IL37: variants seen among roughly 807,000 people sequenced by gnomAD.
IL37 encodes interleukin-37.
In IL37, 15 loss-of-function variants were observed where a neutral mutation model predicts 15.4. The observed-to-expected ratio is 0.98, with a 90% CI of 0.65 to 1.50. IL37 has a LOEUF of 1.50. IL37 is among the 40% of genes most tolerant of loss of function. The pLI, the probability that IL37 is intolerant of heterozygous loss-of-function variation, is 0.00. For synonymous variants in IL37, 98 were observed against 97.4 expected (o/e 1.01, Z -0.03); for missense variants, 269 against 261.7 (o/e 1.03, Z -0.19).
intron 2 of IL37, among the ~76,000 whole-genome samples, chr2:112,913,403 TC>T (rs1211242929): frequency 1.3e-5 from 2 of 152,130 alleles, no homozygotes; most frequent in Non-Finnish European, 2.9e-5. Context: ...CTCCCAACAT[TC>T]CCAAGTGGAA....
intron 4 of IL37, 67 bp downstream of exon 4, chr2:112,917,315 G>A (rs1215180735): frequency 3.2e-6 from 5 of 1,563,974 alleles, no homozygotes; most frequent in Non-Finnish European, 4.4e-6. Context: ...TGCTAGGTGG[G>A]CTCAACTCCA....
At position 112,918,766 on chromosome 2, in the gene IL37, CA is replaced by C; in HGVS notation, c.615del (p.Val206PhefsTer6). 6.2e-7 allele frequency: 1 copy of C among 1,614,076 alleles called. No individual in the cohort carries two copies. The highest frequency in any genetic ancestry group is 8.5e-7 in the Non-Finnish European group (1 of 1,180,006). On this transcript the variant is annotated frameshift_variant, in exon 6 of 6. Transcript: ENST00000263326. LOFTEE classifies it low-confidence loss of function (END_TRUNC). ...NRKHIEFSFQ[P>X]VCKAEMSPSE... ...AAACACATTGAATTTTCATTTCAAC[CA>C]GTTTGCAAAGCTGAAATGAGCCCCA...
At chr2:112,917,803 G>A in intron 5 of IL37, 26 bp downstream of exon 5, 1 of 1,613,370 alleles carries the variant, frequency 6.2e-7, no homozygotes, top group Non-Finnish European at 8.5e-7. Context: ...CAGTTTCCTG[G>A]GCCTTTGGCT....
intron 5 of IL37, 55 bp downstream of exon 5, chr2:112,917,832 A>C: frequency 3.8e-6 from 6 of 1,572,326 alleles, no homozygotes; most frequent in Non-Finnish European, 5.2e-6. Flanking sequence ...GTAAAAGGCC[A>C]AGATCCTCAA....
At position 112,917,744 on chromosome 2, in the gene IL37, T is replaced by A. The variant is rs1683352218; in HGVS notation, c.375T>A (p.Asp125Glu). ...KGEFCLYCDK[D>E]KGQSHPSLQL... Reference sequence around the variant, plus strand: ...AGTTTTGTCTCTACTGTGACAAGGATAAAGGACAAAGTCATCCATCCCTTC... The same window carrying A: ...AGTTTTGTCTCTACTGTGACAAGGAAAAAGGACAAAGTCATCCATCCCTTC... The change falls in exon 5 of 6, where the codon GAT becomes GAA. Residue 125 changes from aspartate to glutamate, a missense_variant. Transcript: ENST00000263326. 1 of 1,614,176 alleles carries A rather than the reference T, an allele frequency of 6.2e-7. No homozygotes were observed.
At chr2:112,918,411 A>AC in intron 5 of IL37, 150 bp from the exon 6 acceptor site, 2 of 823,152 alleles carry the variant, frequency 2.4e-6, no homozygotes, top group Non-Finnish European at 3.7e-6. Context: ...AAATACCAGT[A>AC]CCAAGGCTGA....
At position 112,918,827 on chromosome 2, in the gene IL37, C is replaced by T. The variant is rs376796374; in HGVS notation, c.*18C>T. 2.8e-5 allele frequency: 44 copies of T among 1,599,672 alleles called. No individual in the cohort carries two copies. The highest frequency in any genetic ancestry group is 3.3e-5 in the Non-Finnish European group (39 of 1,169,954). Reference sequence around the variant, plus strand: ...GCGATTAGGAAACTGCCCCATTGAACGCCTTCCTCGCTAATTTGAACTAAT... The same window carrying T: ...GCGATTAGGAAACTGCCCCATTGAATGCCTTCCTCGCTAATTTGAACTAAT... On this transcript the variant is annotated 3_prime_UTR_variant, in exon 6 of 6. Coordinates refer to ENST00000263326, the MANE Select transcript of IL37 (RefSeq NM_014439.4).
chr2:112,912,543 A>G (rs1407730497), intron 1 of IL37, among the ~76,000 whole-genome samples: 1 of 152,178 alleles, frequency 6.6e-6, no homozygotes, highest in East Asian at 1.9e-4. Flanking sequence ...CTAGTTAACC[A>G]TGCTATTGTA....
intron 3 of IL37, chr2:112,915,306 G>A (rs1167756077): frequency 4.0e-6 from 6 of 1,489,556 alleles, no homozygotes; most frequent in Non-Finnish European, 5.6e-6. Flanking sequence ...CTTAAAAAGA[G>A]CATTTTCCAG....
chr2:112,917,157 G>A lies in IL37; in HGVS notation c.174G>A (p.Lys58=). 1 of 1,614,114 alleles carries A rather than the reference G, an allele frequency of 6.2e-7. No individual in the cohort carries two copies. Among genetic ancestry groups the A allele is most frequent in the Non-Finnish European group, 8.5e-7 (1 of 1,179,970 alleles). ...TSPKVKNLNP[K]KFSIHDQDHK... is the part of the protein sequence containing the mutation. ...CAAAGGTGAAGAACTTAAACCCGAA[G>A]AAATTCAGCATTCATGACCAGGATC... Residue 58 remains lysine, a synonymous_variant, in exon 4 of 6, where the codon AAG becomes AAA. Coordinates refer to ENST00000263326, the MANE Select transcript of IL37 (RefSeq NM_014439.4).
At chr2:112,912,794 A>G (rs1452147687) in intron 1 of IL37, among the ~76,000 whole-genome samples, 169 bp from the exon 2 acceptor site, 1 of 152,212 alleles carries the variant, frequency 6.6e-6, no homozygotes, top group Non-Finnish European at 1.5e-5. Context: ...TTCTGCTTTG[A>G]AGGCGTGATA....
intron 3 of IL37, among the ~76,000 whole-genome samples, chr2:112,916,838 ATGAGGACAT>A (rs1683323466): frequency 6.6e-6 from 1 of 152,226 alleles, no homozygotes; most frequent in Admixed American, 6.5e-5. Context: ...CATTTCACAG[ATGAGGACAT>A]TGAGGTTTGG....
chr2:112,918,734 G>A lies in IL37; in HGVS notation c.582G>A (p.Glu194=). ...CTGTTGGGGTGACAGATAAATTTGA[G>A]AACAGGAAACACATTGAATTTTCAT... ...NEPVGVTDKF[E]NRKHIEFSFQ... The change falls in exon 6 of 6, where the codon GAG becomes GAA. Residue 194 remains glutamate, a synonymous_variant. Coordinates refer to ENST00000263326, the MANE Select transcript of IL37 (RefSeq NM_014439.4). 1 of 1,614,118 alleles carries A rather than the reference G, an allele frequency of 6.2e-7. No individual in the cohort carries two copies. The highest frequency in any genetic ancestry group is 1.1e-5 in the South Asian group (1 of 91,078).
intron 3 of IL37, among the ~76,000 whole-genome samples, chr2:112,916,393 G>C (rs1185007093): frequency 6.6e-6 from 1 of 152,174 alleles, no homozygotes; most frequent in Non-Finnish European, 1.5e-5. Context: ...ACTCTAGGCA[G>C]GCCTGGCCCA....
rs746881560 is a variant in IL37, at chr2:112,918,830, C to T, written c.*21C>T. ...ATTAGGAAACTGCCCCATTGAACGC[C>T]TTCCTCGCTAATTTGAACTAATTGT... On this transcript the variant is annotated 3_prime_UTR_variant, in exon 6 of 6. Transcript: ENST00000263326. The T allele has an allele frequency of 1.3e-6, 2 of 1,598,640 alleles. No homozygotes were observed.
Position 112,917,749 on chromosome 2 carries a change from G to A in IL37, c.380G>A (p.Gly127Glu), listed in dbSNP as rs1206530616. 2.5e-6 allele frequency: 4 copies of A among 1,614,132 alleles called. No homozygotes were observed. The highest frequency in any genetic ancestry group is 1.1e-5 in the South Asian group (1 of 91,076). The change falls in exon 5 of 6, where the codon GGA becomes GAA. Residue 127 changes from glycine to glutamate, a missense_variant. Coordinates refer to ENST00000263326, the MANE Select transcript of IL37 (RefSeq NM_014439.4). ...EFCLYCDKDK[G>E]QSHPSLQLKK... ...TGTCTCTACTGTGACAAGGATAAAGGACAAAGTCATCCATCCCTTCAGCTG... is the reference window on the plus strand; with the variant it reads ...TGTCTCTACTGTGACAAGGATAAAGAACAAAGTCATCCATCCCTTCAGCTG...
intron 3 of IL37, chr2:112,915,335 G>A (rs1683282564): frequency 8.0e-7 from 1 of 1,253,272 alleles, no homozygotes; most frequent in Non-Finnish European, 1.1e-6. Flanking sequence ...TGGACTAACT[G>A]AATGAGAATC....
Position 112,918,777 on chromosome 2 carries a change from G to T in IL37, c.625G>T (p.Ala209Ser). The T allele has an allele frequency of 6.2e-7, 1 of 1,614,090 alleles. No homozygotes were observed. Among genetic ancestry groups the T allele is most frequent in the South Asian group, 1.1e-5 (1 of 91,072 alleles). Residue 209 changes from alanine (A) to serine (S), a missense_variant, in exon 6 of 6, where the codon GCT (alanine) becomes TCT (serine). Physicochemically the swap from Ala to Ser is moderately conservative, Grantham distance 99 (BLOSUM62 1). Transcript: ENST00000263326. ...ATTTTCATTTCAACCAGTTTGCAAA[G>T]CTGAAATGAGCCCCAGTGAGGTCAG... ...IEFSFQPVCK[A>S]EMSPSEVSD
At chr2:112,911,436 A>T (rs966780826) in intron 1 of IL37, among the ~76,000 whole-genome samples, 188 bp downstream of exon 1, 23 of 152,180 alleles carry the variant, frequency 1.5e-4, no homozygotes, top group African/African-American at 5.5e-4. Flanking sequence ...CTCTCCCAGG[A>T]GGGCTTCCAC....
Sources: allele counts gnomAD v4.1 joint callset (sites outside exome capture counted in the v4.1 genomes callset), GRCh38; gene constraint gnomAD v4.1.1; transcripts MANE v1.5; gene names NCBI Gene and HGNC (gene_info 2026-07-23, HGNC 2026-07-21).